NTM: variants seen among roughly 807,000 people sequenced by gnomAD.
NTM encodes IgLON family member 2.
In NTM, 13 loss-of-function variants were observed where a neutral mutation model predicts 42.1. That is an observed-to-expected ratio of 0.31 (90% CI 0.20 to 0.49). The LOEUF (loss-of-function observed/expected upper bound fraction) is 0.49, where lower values mean the gene tolerates loss of function less well. Ranked by LOEUF, NTM falls within the 20% of genes least tolerant of loss-of-function variation. NTM has a pLI of 0.99. For missense variants in NTM, 373 were observed against 452.8 expected (o/e 0.82, Z 1.60); for synonymous variants, 187 against 179.2 (o/e 1.04, Z -0.35).
rs934609372 is a variant in NTM at position 131,839,703 on chromosome 11, A to G, written c.83-71861A>G. Among the ~76,000 whole-genome samples the G allele has an allele frequency of 2.6e-5, 4 of 152,348 alleles. No homozygotes were observed. In the South Asian group the frequency reaches 8.3e-4, roughly 32 times the overall value. On this transcript the variant is annotated intron_variant, in intron 1 of 8. Transcript: ENST00000683400. ...ATTTAATGTACACTTGAAAAGACTC[A>G]TGGATTAGTTTGCTGCTATGTTGAA...
intron 1 of NTM, among the ~76,000 whole-genome samples, chr11:131,647,757 G>A (rs1271861873): frequency 6.6e-6 from 1 of 152,060 alleles, no homozygotes; most frequent in Non-Finnish European, 1.5e-5. Flanking sequence ...AAATATTACT[G>A]CCCCAGGATT....
intron 1 of NTM, among the ~76,000 whole-genome samples, chr11:131,792,748 G>T (rs1291190501): frequency 6.6e-6 from 1 of 152,090 alleles, no homozygotes; most frequent in African/African-American, 2.4e-5. Context: ...CTTTGAATTG[G>T]TATTGCTTTC....
At chr11:131,787,131 AG>A (rs1261702638) in intron 1 of NTM, among the ~76,000 whole-genome samples, 11 of 152,072 alleles carry the variant, frequency 7.2e-5, no homozygotes, top group African/African-American at 2.4e-4. Context: ...AAGTTAAAAT[AG>A]TTCTCAACCC....
chr11:132,037,033 C>A (rs1223435217), intron 2 of NTM, among the ~76,000 whole-genome samples: 1 of 152,128 alleles, frequency 6.6e-6, no homozygotes. Flanking sequence ...GAGTCAGTTT[C>A]CTTCTCCAGA....
At chr11:132,007,292 A>T (rs938356606) in intron 2 of NTM, among the ~76,000 whole-genome samples, 2 of 152,174 alleles carry the variant, frequency 1.3e-5, no homozygotes, top group African/African-American at 4.8e-5. Context: ...TCTACAGGGT[A>T]GTTTGGATAA....
chr11:131,726,546 A>C (rs984320536), intron 1 of NTM, among the ~76,000 whole-genome samples: 3 of 151,148 alleles, frequency 2.0e-5, no homozygotes, highest in Non-Finnish European at 4.4e-5. Flanking sequence ...CACAGCACAG[A>C]ACAGAAAATG....
At chr11:132,196,299 G>T (rs2080200872) in intron 3 of NTM, among the ~76,000 whole-genome samples, 1 of 152,130 alleles carries the variant, frequency 6.6e-6, no homozygotes, top group African/African-American at 2.4e-5. Flanking sequence ...AAAAGCAACA[G>T]ATGTTGGCAA....
chr11:131,534,599 A>T (rs2051846989), intron 1 of NTM: 1 of 152,244 alleles, frequency 6.6e-6, no homozygotes, highest in Non-Finnish European at 1.5e-5. Context: ...CCAACATAAA[A>T]GAAAATCTTG....
chr11:132,231,881 G>A (rs890350722), intron 4 of NTM, among the ~76,000 whole-genome samples: 3 of 148,388 alleles, frequency 2.0e-5, no homozygotes, highest in Non-Finnish European at 3.0e-5. Context: ...CAGCTCTGAC[G>A]CTGTTTTCAT....
At chr11:132,280,589 G>A (rs996944301) in intron 4 of NTM, among the ~76,000 whole-genome samples, 21 of 145,016 alleles carry the variant, frequency 1.4e-4, no homozygotes, top group African/African-American at 5.2e-4. Flanking sequence ...AGGTTCAAGC[G>A]ATTCTCCTGT....
intron 2 of NTM, among the ~76,000 whole-genome samples, chr11:132,085,740 G>C (rs774830827): frequency 6.6e-6 from 1 of 152,022 alleles, no homozygotes; most frequent in African/African-American, 2.4e-5. Flanking sequence ...AGAAGATTCA[G>C]TTGTTACAAG....
intron 1 of NTM, among the ~76,000 whole-genome samples, chr11:131,804,752 G>A (rs994410164): frequency 1.3e-5 from 2 of 152,096 alleles, no homozygotes; most frequent in Admixed American, 6.6e-5. Context: ...TTCATGTGTC[G>A]AAGCTTAATC....
At chr11:131,812,568 A>C (rs182586702) in intron 1 of NTM, among the ~76,000 whole-genome samples, 1 of 152,058 alleles carries the variant, frequency 6.6e-6, no homozygotes, top group Non-Finnish European at 1.5e-5. Context: ...AACACACCAA[A>C]TGAGCTACTA....
intron 1 of NTM, among the ~76,000 whole-genome samples, chr11:131,545,521 C>A (rs1313383729): frequency 1.3e-5 from 2 of 152,124 alleles, no homozygotes; most frequent in Non-Finnish European, 2.9e-5. Context: ...CCCATTTATT[C>A]CACCAGCATT....
Position 131,888,174 on chromosome 11 carries a change from G to A in NTM, c.83-23390G>A, listed in dbSNP as rs994685050. On this transcript the variant is annotated intron_variant, in intron 1 of 8. Coordinates refer to ENST00000683400, the MANE Select transcript of NTM (RefSeq NM_001352005.2). Reference sequence around the variant, plus strand: ...AACTTAGCCAAGCATGGTGGCGTGCGCCTGTGGTTTCAGCTACTCGGGAGG... The same window carrying A: ...AACTTAGCCAAGCATGGTGGCGTGCACCTGTGGTTTCAGCTACTCGGGAGG... Among the ~76,000 whole-genome samples, 6 of 152,160 alleles carry A rather than the reference G, an allele frequency of 3.9e-5. No homozygotes were observed. In the East Asian group the frequency reaches 5.8e-4, roughly 15 times the overall value.
chr11:131,887,626 T>C (rs908547665), intron 1 of NTM, among the ~76,000 whole-genome samples: 3 of 152,252 alleles, frequency 2.0e-5, no homozygotes, highest in Non-Finnish European at 4.4e-5. Flanking sequence ...CCCAAATCCT[T>C]TGATCCTTAG....
At chr11:132,229,659 C>T (rs896950133) in intron 4 of NTM, among the ~76,000 whole-genome samples, 5 of 152,120 alleles carry the variant, frequency 3.3e-5, no homozygotes, top group African/African-American at 1.2e-4. Flanking sequence ...CTGTGTTGGA[C>T]GAGGTCTGAA....
chr11:132,254,391 C>G (rs1429656332), intron 4 of NTM, among the ~76,000 whole-genome samples: 1 of 151,998 alleles, frequency 6.6e-6, no homozygotes. Context: ...TTCCCCCTCA[C>G]CTTTTCCCAT....
intron 1 of NTM, among the ~76,000 whole-genome samples, chr11:131,617,191 G>C (rs2062027203): frequency 6.6e-6 from 1 of 152,028 alleles, no homozygotes; most frequent in Admixed American, 6.6e-5. Flanking sequence ...GTGTAACTGA[G>C]GCCGCTTGGG....
Sources: gnomAD v4.1 joint callset for allele counts (sites outside exome capture counted in the v4.1 genomes callset) on GRCh38, gnomAD v4.1.1 for gene constraint, MANE v1.5 for transcripts, NCBI Gene and HGNC (gene_info 2026-07-23, HGNC 2026-07-21) for gene names.